The following PPM1H variants were observed in gnomAD, a reference collection of about 807,000 sequenced individuals.
The protein encoded by PPM1H is protein phosphatase, Mg2+/Mn2+ dependent 1H.
In PPM1H, 27 loss-of-function variants were observed where a neutral mutation model predicts 54.9. The ratio of observed to expected loss-of-function variants is 0.49; its 90% CI spans 0.36 to 0.68. The LOEUF is 0.68. PPM1H is among the 30% of genes least tolerant of loss of function. The pLI, the probability that PPM1H is intolerant of heterozygous loss-of-function variation, is 0.00. For synonymous variants in PPM1H, 305 were observed against 270.8 expected (o/e 1.13, Z -1.24); for missense variants, 596 against 667.8 (o/e 0.89, Z 1.19).
intron 2 of PPM1H, among the ~76,000 whole-genome samples, chr12:62,827,638 G>C (rs1019240854): frequency 5.9e-5 from 9 of 152,128 alleles, no homozygotes; most frequent in African/African-American, 2.2e-4. Flanking sequence ...CAAAACACAG[G>C]AAGACATGCC....
chr12:62,833,271 T>C (rs10877920), intron 1 of PPM1H, among the ~76,000 whole-genome samples: 10,636 of 152,266 alleles, frequency 0.07, 499 homozygotes, highest in Middle Eastern at 0.15. Flanking sequence ...AAAAATTAGC[T>C]CTATAAGTGT....
chr12:62,766,962 A>C (rs1474781182), intron 4 of PPM1H, among the ~76,000 whole-genome samples: 1 of 152,246 alleles, frequency 6.6e-6, no homozygotes, highest in Non-Finnish European at 1.5e-5. Flanking sequence ...CCTGAAAAGC[A>C]GTTACACCAC....
intron 2 of PPM1H, 124 bp from the exon 3 acceptor site, chr12:62,802,284 G>C (rs1313071276): frequency 1.5e-6 from 1 of 686,998 alleles, no homozygotes; most frequent in Non-Finnish European, 2.3e-6. Flanking sequence ...CAAACAATGC[G>C]GTCAAAACAT....
At chr12:62,830,403 C>A (rs1489714695) in intron 2 of PPM1H, among the ~76,000 whole-genome samples, 6 of 152,046 alleles carry the variant, frequency 3.9e-5, no homozygotes, top group Admixed American at 3.9e-4. Flanking sequence ...CTACAGGCAC[C>A]CGCCACCATG....
chr12:62,789,303 A>C (rs899251361), intron 3 of PPM1H, among the ~76,000 whole-genome samples: 3 of 152,198 alleles, frequency 2.0e-5, no homozygotes, highest in African/African-American at 7.2e-5. Context: ...CAGCCCAGAT[A>C]TGATCAATGT....
At chr12:62,836,277 T>C (rs1194078404) in intron 1 of PPM1H, among the ~76,000 whole-genome samples, 2 of 152,214 alleles carry the variant, frequency 1.3e-5, no homozygotes, top group African/African-American at 4.8e-5. Context: ...TGGTGGTTCT[T>C]AACAAAAACT....
intron 1 of PPM1H, among the ~76,000 whole-genome samples, chr12:62,933,287 T>A (rs1271502341): frequency 6.6e-6 from 1 of 152,050 alleles, no homozygotes; most frequent in Non-Finnish European, 1.5e-5. Flanking sequence ...TTAGAGATAA[T>A]AAGCAGAGCA....
intron 1 of PPM1H, among the ~76,000 whole-genome samples, chr12:62,874,950 G>C (rs1870108864): frequency 6.6e-6 from 1 of 152,214 alleles, no homozygotes; most frequent in African/African-American, 2.4e-5. Context: ...ACATAGGAGA[G>C]AGTCGCAAAA....
At chr12:62,789,320 C>T (rs2076691111) in intron 3 of PPM1H, among the ~76,000 whole-genome samples, 3 of 152,208 alleles carry the variant, frequency 2.0e-5, no homozygotes. Flanking sequence ...ATGTTTTAAA[C>T]TCCAAAGTCT....
At chr12:62,900,685 C>G (rs2121113093) in intron 1 of PPM1H, among the ~76,000 whole-genome samples, 1 of 151,702 alleles carries the variant, frequency 6.6e-6, no homozygotes, top group East Asian at 1.9e-4. Flanking sequence ...TACAGGCCAA[C>G]ATTGTCCTTA....
intron 6 of PPM1H, among the ~76,000 whole-genome samples, chr12:62,702,512 T>A (rs6581458): frequency 0.027 from 4,049 of 149,712 alleles, 131 homozygotes; most frequent in East Asian, 0.15. Context: ...TCCCACGATC[T>A]CCCTTCTCTT....
At chr12:62,823,560 C>G (rs1178505433) in intron 2 of PPM1H, among the ~76,000 whole-genome samples, 14 of 152,144 alleles carry the variant, frequency 9.2e-5, no homozygotes, top group Admixed American at 9.2e-4. Context: ...ATGATCAAGT[C>G]AGCTTCATCC....
chr12:62,866,737 C>T (rs1869789014), intron 1 of PPM1H, among the ~76,000 whole-genome samples: 1 of 152,106 alleles, frequency 6.6e-6, no homozygotes, highest in Non-Finnish European at 1.5e-5. Flanking sequence ...AGATTCCTGA[C>T]CCACAGAAAC....
chr12:62,832,339 T>A, intron 1 of PPM1H, 60 bp from the exon 2 acceptor site: 1 of 1,506,108 alleles, frequency 6.6e-7, no homozygotes, highest in Non-Finnish European at 9.0e-7. Context: ...GCACAGTCCC[T>A]TGTCAAGGGT....
At chr12:62,737,432 T>C in intron 5 of PPM1H, 70 bp downstream of exon 5, 1 of 1,076,178 alleles carries the variant, frequency 9.3e-7, no homozygotes, top group Non-Finnish European at 1.3e-6. Flanking sequence ...AGTAGCAACG[T>C]GTTCCTCCAG....
chr12:62,891,322 T>C (rs1245534660), intron 1 of PPM1H, among the ~76,000 whole-genome samples: 1 of 152,152 alleles, frequency 6.6e-6, no homozygotes, highest in South Asian at 2.1e-4. Context: ...CAGTCTAAGA[T>C]CAACCAATAA....
intron 4 of PPM1H, chr12:62,756,060 C>A: frequency 8.1e-7 from 1 of 1,239,352 alleles, no homozygotes; most frequent in African/African-American, 1.5e-5. Flanking sequence ...CTACACTGAG[C>A]ACCAGGTTGT....
intron 3 of PPM1H, among the ~76,000 whole-genome samples, chr12:62,799,408 G>T (rs1259387020): frequency 1.3e-5 from 2 of 152,026 alleles, no homozygotes; most frequent in Non-Finnish European, 2.9e-5. Context: ...AAATCTCAAC[G>T]TTTCCTTTAT....
At chr12:62,850,968 AAATTG>A (rs1309424096) in intron 1 of PPM1H, 1 of 152,216 alleles carries the variant, frequency 6.6e-6, no homozygotes, top group Admixed American at 6.5e-5. Flanking sequence ...AATATAAATT[AAATTG>A]AAGAAAAACC....
Sources: gnomAD v4.1 joint callset for allele counts (sites outside exome capture counted in the v4.1 genomes callset) on GRCh38, gnomAD v4.1.1 for gene constraint, MANE v1.5 for transcripts, NCBI Gene and HGNC (gene_info 2026-07-23, HGNC 2026-07-21) for gene names.